Variants in CYB5R4 observed in about 807,000 individuals in gnomAD.
CYB5R4 encodes the protein N-terminal cytochrome b5 and cytochrome b5 oxidoreductase domain-containing protein.
CYB5R4 carries 55 observed loss-of-function variants against 70.2 expected under a neutral mutation model. That is an observed-to-expected ratio of 0.78 (90% CI 0.63 to 0.98). The LOEUF (loss-of-function observed/expected upper bound fraction) is 0.98. CYB5R4 is among the 50% of genes least tolerant of loss of function. The pLI, the probability that CYB5R4 is intolerant of heterozygous loss-of-function variation, is 0.00. For missense variants in CYB5R4, 562 were observed against 612.6 expected, an observed-to-expected ratio of 0.92 and a Z score of 0.87; for synonymous variants, 197 against 199.5, an observed-to-expected ratio of 0.99 and a Z score of 0.11.
chr6:83,893,423 T>C (rs2099461434), intron 2 of CYB5R4, 99 bp from the exon 3 acceptor site: 1 of 670,052 alleles, frequency 1.5e-6, no homozygotes, highest in Non-Finnish European at 2.6e-6. Flanking sequence ...ATTAATTAAA[T>C]GGAATGTATT....
At chr6:83,870,379 C>T (rs889670745) in intron 2 of CYB5R4, among the ~76,000 whole-genome samples, 5 of 150,742 alleles carry the variant, frequency 3.3e-5, no homozygotes, top group Admixed American at 1.3e-4. Flanking sequence ...GTAATGATAA[C>T]GAAAGCTTTG....
At chr6:83,939,646 C>G (rs1480614875) in intron 12 of CYB5R4, among the ~76,000 whole-genome samples, 1 of 152,176 alleles carries the variant, frequency 6.6e-6, no homozygotes, top group Non-Finnish European at 1.5e-5. Flanking sequence ...CTGTTCTTTA[C>G]TCTGTACCAG....
At chr6:83,876,571 T>A (rs1234264639) in intron 2 of CYB5R4, among the ~76,000 whole-genome samples, 1 of 151,598 alleles carries the variant, frequency 6.6e-6, no homozygotes, top group Admixed American at 6.6e-5. Flanking sequence ...TTTCAAATAA[T>A]ATACTATTTC....
At chr6:83,875,373 G>T (rs1398569740) in intron 2 of CYB5R4, among the ~76,000 whole-genome samples, 1 of 152,154 alleles carries the variant, frequency 6.6e-6, no homozygotes, top group Non-Finnish European at 1.5e-5. Context: ...AGCCTCCTGA[G>T]TAGCTAGGAC....
intron 3 of CYB5R4, among the ~76,000 whole-genome samples, chr6:83,900,687 CT>C (rs1465906656): frequency 3.3e-5 from 5 of 152,170 alleles, no homozygotes; most frequent in Non-Finnish European, 7.4e-5. Flanking sequence ...ATAGTTAGCT[CT>C]TCTTGTTGAA....
chr6:83,910,265 G>T, intron 4 of CYB5R4: 3 of 801,850 alleles, frequency 3.7e-6, no homozygotes, highest in Non-Finnish European at 5.9e-6. Context: ...AGAAGCCTCA[G>T]TTTCCTCATT....
intron 2 of CYB5R4, among the ~76,000 whole-genome samples, chr6:83,865,371 G>A (rs552335106): frequency 1.3e-4 from 20 of 152,266 alleles, no homozygotes; most frequent in Non-Finnish European, 2.8e-4. Context: ...ACAGAAATTT[G>A]TCTCATAGTT....
intron 4 of CYB5R4, among the ~76,000 whole-genome samples, chr6:83,910,745 C>T (rs1588573379): frequency 6.6e-6 from 1 of 152,050 alleles, no homozygotes; most frequent in Non-Finnish European, 1.5e-5. Flanking sequence ...TGACAAATTG[C>T]AGAGTTGATT....
At chr6:83,936,199 ATTT>A (rs773276329) in intron 11 of CYB5R4, 22 bp from the exon 12 acceptor site, 2 of 1,508,242 alleles carry the variant, frequency 1.3e-6, no homozygotes, top group South Asian at 2.7e-5. Context: ...GAATTTAATT[ATTT>A]TGCTGTGATT....
Position 83,967,090 on chromosome 6 carries a change from G to A in CYB5R4, c.*7212G>A, listed in dbSNP as rs2099474198. 1 of 152,166 alleles carries A rather than the reference G, an allele frequency of 6.6e-6. No homozygotes were observed. The highest frequency in any genetic ancestry group is 2.4e-5 in the African/African-American group (1 of 41,450). The allele number at this position is 152,166 out of a possible 1,614,324, so 9.4% of individuals were successfully genotyped here. On this transcript the variant is annotated 3_prime_UTR_variant, in exon 16 of 16. Transcript: ENST00000369681. Reference sequence around the variant, plus strand: ...ATTTGATATCCTGATGGAAAAAAATGTGAGCCAAGGATTTTACACCCAACA... The same window carrying A: ...ATTTGATATCCTGATGGAAAAAAATATGAGCCAAGGATTTTACACCCAACA...
intron 3 of CYB5R4, among the ~76,000 whole-genome samples, chr6:83,895,887 C>T (rs541574241): frequency 2.2e-4 from 34 of 152,268 alleles, no homozygotes; most frequent in Admixed American, 1.4e-3. Flanking sequence ...TTTACTTGTG[C>T]CCAGTATTTT....
intron 14 of CYB5R4, among the ~76,000 whole-genome samples, chr6:83,945,299 A>G (rs1046248188): frequency 1.3e-5 from 2 of 152,222 alleles, no homozygotes; most frequent in Non-Finnish European, 2.9e-5. Flanking sequence ...GTGGAAACTG[A>G]ACAACCTGCT....
intron 3 of CYB5R4, among the ~76,000 whole-genome samples, chr6:83,900,047 A>C (rs892405188): frequency 2.0e-5 from 3 of 151,740 alleles, no homozygotes; most frequent in African/African-American, 7.3e-5. Context: ...TAGTTCTTTT[A>C]ATTGTGATGT....
chr6:83,940,611 T>A lies in CYB5R4; in HGVS notation c.1346+10T>A, dbSNP rs2099469595. On this transcript the variant is annotated intron_variant, in intron 14 of 15. Transcript: ENST00000369681. ...CATTTAAAGATAAAAGGTATTAAAC[T>A]GATATTAGCTCTGCGTTTAGTTATT... The A allele has an allele frequency of 6.3e-7, 1 of 1,591,716 alleles. No homozygotes were observed. The highest frequency in any genetic ancestry group is 8.5e-7 in the Non-Finnish European group (1 of 1,172,428).
intron 6 of CYB5R4, among the ~76,000 whole-genome samples, chr6:83,918,470 T>A (rs1290499855): frequency 6.6e-6 from 1 of 152,038 alleles, no homozygotes; most frequent in East Asian, 1.9e-4. Context: ...TACTTCCATA[T>A]TATTCTATTT....
chr6:83,923,061 C>T (rs953894951), intron 9 of CYB5R4, among the ~76,000 whole-genome samples: 1 of 149,402 alleles, frequency 6.7e-6, no homozygotes, highest in Non-Finnish European at 1.5e-5. Flanking sequence ...AAAAAAAAAT[C>T]TGTCTCCTTT....
chr6:83,873,598 G>T (rs573082057), intron 2 of CYB5R4, among the ~76,000 whole-genome samples: 1 of 152,128 alleles, frequency 6.6e-6, no homozygotes, highest in Non-Finnish European at 1.5e-5. Flanking sequence ...ATGACTGTGT[G>T]TAGTTGTCGC....
At chr6:83,927,541 A>G (rs763893623) in intron 10 of CYB5R4, among the ~76,000 whole-genome samples, 5 of 152,156 alleles carry the variant, frequency 3.3e-5, no homozygotes, top group African/African-American at 1.2e-4. Flanking sequence ...AAACTCAGGG[A>G]TACATTTAAG....
intron 2 of CYB5R4, among the ~76,000 whole-genome samples, chr6:83,873,547 A>G (rs1490744478): frequency 6.6e-6 from 1 of 152,002 alleles, no homozygotes. Flanking sequence ...GACAGTTTTT[A>G]TCTTTAGTAA....
Sources: gnomAD v4.1 joint callset for allele counts (sites outside exome capture counted in the v4.1 genomes callset) on GRCh38, gnomAD v4.1.1 for gene constraint, MANE v1.5 for transcripts, NCBI Gene and HGNC (gene_info 2026-07-23, HGNC 2026-07-21) for gene names.